CHERP: variants seen among roughly 807,000 people sequenced by gnomAD.
CHERP encodes ERPROT 213-21.
A neutral mutation model predicts 113.8 loss-of-function variants in CHERP; 8 were observed. The observed-to-expected ratio is 0.07, with a 90% confidence interval of 0.04 to 0.13. The LOEUF is 0.13. Among genes scored for constraint, CHERP ranks in the 10% least tolerant of loss-of-function variants. The pLI is 1.00. For missense variants in CHERP, 884 were observed against 1,298.2 expected (o/e 0.68, Z 4.90); for synonymous variants, 559 against 524.5 (o/e 1.07, Z -0.90).
At position 16,525,089 on chromosome 19, in the gene CHERP, A is replaced by G. The variant is rs1020929243; in HGVS notation, c.1741+153T>C. ...TGAGTCTGTGCCCCCACTTCCTGAG[A>G]ACCCAGGCCGGGCTCCTCGGACGTC... On this transcript the variant is annotated intron_variant, in intron 10 of 16. Transcript: ENST00000546361. The surrounding 1 kb of genome is among the most constrained non-coding windows in gnomAD (Gnocchi z 6.5). 6.6e-6 allele frequency among the ~76,000 whole-genome samples: 1 copy of G among 152,128 alleles called. No individual in the cohort carries two copies. Among genetic ancestry groups the G allele is most frequent in the Non-Finnish European group, 1.5e-5 (1 of 68,008 alleles).
At position 16,523,569 on chromosome 19, in the gene CHERP, C is replaced by T. The variant is rs2085636476; in HGVS notation, c.1742-279G>A. Among the ~76,000 whole-genome samples the T allele has an allele frequency of 6.6e-6, 1 of 152,198 alleles. No homozygotes were observed. Among genetic ancestry groups the T allele is most frequent in the Non-Finnish European group, 1.5e-5 (1 of 68,040 alleles). ...GCACGGTGAGGGCTAAGTTGTGACC[C>T]TCCGAATCCATACGCTGAGGTCCCA... On this transcript the variant is annotated intron_variant, in intron 10 of 16. Transcript: ENST00000546361. The surrounding 1 kb of genome is among the most constrained non-coding windows in gnomAD (Gnocchi z 4.0).
chr19:16,528,573 G>C (rs1023302724), intron 8 of CHERP, among the ~76,000 whole-genome samples: 7 of 152,186 alleles, frequency 4.6e-5, no homozygotes, highest in Non-Finnish European at 8.8e-5. Flanking sequence ...CTAATTAAAA[G>C]GTCATTTCCC....
In CHERP at chr19:16,520,179, C is replaced by G. The variant is rs751451818; in HGVS notation, c.2432G>C (p.Arg811Pro). 5.0e-6 allele frequency: 8 copies of G among 1,612,868 alleles called. No homozygotes were observed. The highest frequency in any genetic ancestry group is 5.9e-6 in the Non-Finnish European group (7 of 1,179,986). The change falls in exon 15 of 17, where the codon CGC becomes CCC. Residue 811 changes from arginine (R) to proline (P), a missense_variant. Coordinates refer to ENST00000546361, the MANE Select transcript of CHERP (RefSeq NM_006387.6). This position sits in a 1 kb window ranked among gnomAD's most constrained non-coding sequence, Gnocchi z 4.0. ...GGTGGGGCTCCTGGACCGTGACCGG[C>G]GTCTTCTTCCTGGGGAGTACGACTT... ...RSKSYSPGRRRRSRSRSPTPP... is the reference protein window; with the variant it reads ...RSKSYSPGRRPRSRSRSPTPP...
chr19:16,530,866 G>A lies in CHERP; in HGVS notation c.689C>T (p.Ala230Val), dbSNP rs868127675. ...CTGCAGGGCGGCCAGCAGCTCCCGG[G>A]CCTGCTTGCGCTGGCTGTGAGGGAG... The part of the protein sequence containing the change: ...DVLHHCQRKQ[A>V]RELLAALQKV... Residue 230 changes from alanine to valine, a missense_variant, in exon 6 of 17, where the codon GCC becomes GTC. Physicochemically the swap from Ala to Val is moderately conservative, Grantham distance 64. Around this residue, in one of 8 missense-constraint regions of CHERP, gnomAD observed 73 missense variants for 182.4 expected, o/e 0.40. Coordinates refer to ENST00000546361, the MANE Select transcript of CHERP (RefSeq NM_006387.6). This position sits in a 1 kb window ranked among gnomAD's most constrained non-coding sequence, Gnocchi z 4.1. 6.2e-7 allele frequency: 1 copy of A among 1,613,356 alleles called. No individual in the cohort carries two copies. The highest frequency in any genetic ancestry group is 1.3e-5 in the African/African-American group (1 of 75,072).
At chr19:16,522,956 G>A (rs774082716) in intron 11 of CHERP, 96 bp downstream of exon 11, 39 of 1,389,928 alleles carry the variant, frequency 2.8e-5, no homozygotes, top group Non-Finnish European at 3.5e-5. Flanking sequence ...GGGGAGCCCC[G>A]GAAGGCACCC....
In CHERP at chr19:16,532,444, C is replaced by CTGTG; in HGVS notation, c.674+153_674+154insCACA. On this transcript the variant is annotated intron_variant, in intron 5 of 16. Transcript: ENST00000546361. This position sits in a 1 kb window ranked among gnomAD's most constrained non-coding sequence, Gnocchi z 4.4. ...AGTCCTGGAGACAGAAGCCTGGTGGCTCACAGAGACCCCCCACCCGGGGTC... is the reference window on the plus strand; with the variant it reads ...AGTCCTGGAGACAGAAGCCTGGTGGCTGTGTCACAGAGACCCCCCACCCGGGGTC... The CTGTG allele has an allele frequency of 1.1e-6, 1 of 891,876 alleles. No individual in the cohort carries two copies. The highest frequency in any genetic ancestry group is 2.7e-5 in the East Asian group (1 of 37,110). 55.2% of individuals were successfully genotyped at this position (891,876 alleles called of 1,614,324 possible).
At chr19:16,528,899 G>A (rs911777651) in intron 8 of CHERP, among the ~76,000 whole-genome samples, 1 of 152,236 alleles carries the variant, frequency 6.6e-6, no homozygotes, top group Non-Finnish European at 1.5e-5. Context: ...CTTGCAGTGA[G>A]CTGAGATCAC....
At position 16,517,985 on chromosome 19, in the gene CHERP, A is replaced by ATT. The variant is rs1231382352; in HGVS notation, c.*1172_*1173dup. On this transcript the variant is annotated 3_prime_UTR_variant, in exon 17 of 17. Transcript: ENST00000546361. Reference sequence around the variant, plus strand: ...GTTTACGTTTTATCCTGAATCATACATTTTAACAATTCACAGCTACAGGAA... The same window carrying ATT: ...GTTTACGTTTTATCCTGAATCATACATTTTTTAACAATTCACAGCTACAGGAA... The ATT allele has an allele frequency of 1.3e-5, 2 of 152,268 alleles. No homozygotes were observed. Among genetic ancestry groups the ATT allele is most frequent in the African/African-American group, 4.8e-5 (2 of 41,480 alleles). The allele number at this position is 152,268 out of a possible 1,614,324, so 9.4% of individuals were successfully genotyped here.
chr19:16,525,537 G>C lies in CHERP; in HGVS notation c.1446C>G (p.Asn482Lys), dbSNP rs2085651781. The C allele has an allele frequency of 6.5e-6, 10 of 1,546,506 alleles. No individual in the cohort carries two copies. Among genetic ancestry groups the C allele is most frequent in the Non-Finnish European group, 8.7e-6 (10 of 1,148,452 alleles). Residue 482 changes from asparagine to lysine, a missense_variant, in exon 10 of 17, where the codon AAC becomes AAG. By Grantham distance (94) the Asn-to-Lys change is moderately conservative. Coordinates refer to ENST00000546361, the MANE Select transcript of CHERP (RefSeq NM_006387.6). The surrounding 1 kb of genome is among the most constrained non-coding windows in gnomAD (Gnocchi z 6.5). ...GGCTGTTCCAGGCGGCGTCGGGCTG[G>C]TTGTTCCAGGGCGCGTCGCGCTGGC... is the stretch of plus-strand genomic sequence containing the variant. ...WNGQRDAPWN[N>K]QPDAAWNSQF...
chr19:16,521,704 G>A, intron 11 of CHERP, 50 bp from the exon 12 acceptor site: 1 of 1,496,306 alleles, frequency 6.7e-7, no homozygotes. Context: ...AGCCCTCTCA[G>A]GCCCACCCAG....
Position 16,532,473 on chromosome 19 carries a change from G to A in CHERP, c.674+125C>T, listed in dbSNP as rs908827668. 3.9e-5 allele frequency: 48 copies of A among 1,241,658 alleles called. No individual in the cohort carries two copies. The highest frequency in any genetic ancestry group is 4.9e-5 in the Non-Finnish European group (45 of 924,220). 76.9% of individuals were successfully genotyped at this position (1,241,658 alleles called of 1,614,324 possible). On this transcript the variant is annotated intron_variant, in intron 5 of 16. Transcript: ENST00000546361. The surrounding 1 kb of genome is among the most constrained non-coding windows in gnomAD (Gnocchi z 4.4). ...CAGAGACCCCCCACCCGGGGTCCCC[G>A]GACAAGTGCCCCCTAGTCTCGGGAC...
At position 16,532,875 on chromosome 19, in the gene CHERP, C is replaced by T. The variant is rs1403406238; in HGVS notation, c.523-126G>A. ...ACCATGAGCGTGGGGGGCACAGGGTCCCACAGCCTCAGGAGCTCCAGGCGG... is the reference window on the plus strand; with the variant it reads ...ACCATGAGCGTGGGGGGCACAGGGTTCCACAGCCTCAGGAGCTCCAGGCGG... On this transcript the variant is annotated intron_variant, in intron 4 of 16. Coordinates refer to ENST00000546361, the MANE Select transcript of CHERP (RefSeq NM_006387.6). This position sits in a 1 kb window ranked among gnomAD's most constrained non-coding sequence, Gnocchi z 4.4. 8 of 1,523,958 alleles carry T rather than the reference C, an allele frequency of 5.2e-6. No individual in the cohort carries two copies. In the South Asian group the frequency reaches 7.6e-5, roughly 14 times the overall value. 94.4% of individuals were successfully genotyped at this position (1,523,958 alleles called of 1,614,324 possible).
intron 1 of CHERP, 150 bp from the exon 2 acceptor site, chr19:16,542,193 A>G: frequency 9.2e-7 from 1 of 1,083,864 alleles, no homozygotes; most frequent in Non-Finnish European, 1.3e-6. Context: ...GATAGGGGCC[A>G]CACGCTCGCC....
At chr19:16,536,701 AC>A (rs1361547977) in intron 2 of CHERP, among the ~76,000 whole-genome samples, 1 of 151,808 alleles carries the variant, frequency 6.6e-6, no homozygotes, top group Non-Finnish European at 1.5e-5. Flanking sequence ...CTCCCTCTTT[AC>A]CCGTCCCTCC....
chr19:16,528,270 C>A lies in CHERP; in HGVS notation c.1130-15G>T, dbSNP rs758013344. 3 of 1,556,496 alleles carry A rather than the reference C, an allele frequency of 1.9e-6. No individual in the cohort carries two copies. Among genetic ancestry groups the A allele is most frequent in the South Asian group, 1.2e-5 (1 of 81,914 alleles). On this transcript the variant is annotated splice_polypyrimidine_tract_variant and intron_variant, in intron 8 of 16. Transcript: ENST00000546361. Reference sequence around the variant, plus strand: ...CTTGCTGTCATCTAAATCCAAGTGACAGGCAGTTAGAGCAGGCCTGGCAGC... The same window carrying A: ...CTTGCTGTCATCTAAATCCAAGTGAAAGGCAGTTAGAGCAGGCCTGGCAGC...
intron 11 of CHERP, 103 bp downstream of exon 11, chr19:16,522,949 G>A (rs995749757): frequency 1.5e-6 from 2 of 1,345,842 alleles, no homozygotes; most frequent in Non-Finnish European, 2.0e-6. Context: ...AGATGAAGGG[G>A]AGCCCCGGAA....
chr19:16,535,414 G>A lies in CHERP; in HGVS notation c.384+38C>T, dbSNP rs1165080585. On this transcript the variant is annotated intron_variant, in intron 3 of 16. Transcript: ENST00000546361. This position sits in a 1 kb window ranked among gnomAD's most constrained non-coding sequence, Gnocchi z 4.3. ...GACGCAAAAACAGAGGCACAGGGGA[G>A]CTGCTGGTGTCTGGCCGAGGAGGCG... 12 of 1,589,976 alleles carry A rather than the reference G, an allele frequency of 7.5e-6. No homozygotes were observed. Among genetic ancestry groups the A allele is most frequent in the Middle Eastern group, 1.7e-4 (1 of 5,834 alleles).
rs751052636 is a variant in CHERP, at chr19:16,528,273, G to A, written c.1130-18C>T. The A allele has an allele frequency of 6.5e-7, 1 of 1,549,652 alleles. No individual in the cohort carries two copies. The highest frequency in any genetic ancestry group is 1.8e-4 in the Middle Eastern group (1 of 5,702). ...GCTGTCATCTAAATCCAAGTGACAG[G>A]CAGTTAGAGCAGGCCTGGCAGCAGG... On this transcript the variant is annotated intron_variant, in intron 8 of 16. Transcript: ENST00000546361.
chr19:16,524,031 C>G (rs1214741666), intron 10 of CHERP, among the ~76,000 whole-genome samples: 1 of 152,138 alleles, frequency 6.6e-6, no homozygotes, highest in African/African-American at 2.4e-5. Context: ...GCGGGTAGAT[C>G]ACTTGAGGCC....
Sources: allele counts gnomAD v4.1 joint callset (sites outside exome capture counted in the v4.1 genomes callset), GRCh38; gene constraint gnomAD v4.1.1; regional missense constraint gnomAD v4.1.1; non-coding constraint Gnocchi (gnomAD v3.1); transcripts MANE v1.5; gene names NCBI Gene and HGNC (gene_info 2026-07-23, HGNC 2026-07-21).